DNAJC27: variants seen among roughly 807,000 people sequenced by gnomAD.
DNAJC27 encodes the protein DnaJ heat shock protein family (Hsp40) member C27, also known as dnaJ homolog subfamily C member 27.
A neutral mutation model predicts 31.4 loss-of-function variants in DNAJC27; 25 were observed. The ratio of observed to expected loss-of-function variants is 0.80; its 90% confidence interval spans 0.58 to 1.11. The LOEUF (loss-of-function observed/expected upper bound fraction) is 1.11, where lower values mean the gene tolerates loss of function less well. Among genes scored for constraint, DNAJC27 ranks in the 50% most tolerant of loss-of-function variants. DNAJC27 has a pLI of 0.00. For missense variants in DNAJC27, 356 were observed against 347.3 expected (o/e 1.02, Z -0.20); for synonymous variants, 106 against 112.7 (o/e 0.94, Z 0.37).
rs1665795957 is a variant in DNAJC27, at chr2:24,952,324, AC to A, written c.529-771del. On this transcript the variant is annotated intron_variant, in intron 5 of 6. Transcript: ENST00000264711. ...ATATACACAGATCCATACTCTTTCA[AC>A]ATGTACTAAAGGAGATCAGACTAAA... Among the ~76,000 whole-genome samples the A allele has an allele frequency of 2.0e-5, 3 of 152,322 alleles. No homozygotes were observed. The South Asian group carries it at 6.2e-4, about 32-fold the overall frequency.
chr2:24,971,670 G>A lies in DNAJC27; in HGVS notation c.87+148C>T. 5.1e-6 allele frequency: 3 copies of A among 591,282 alleles called. No individual in the cohort carries two copies. In the South Asian group the frequency reaches 6.7e-5, roughly 13 times the overall value. The allele number at this position is 591,282 out of a possible 1,614,324, so 36.6% of individuals were successfully genotyped here. ...TCAAAAAGGTCGGGGAGTTTCGTTC[G>A]CGGAGCCGCACCCCTCGGCTGAGAC... On this transcript the variant is annotated intron_variant, in intron 1 of 6. Coordinates refer to ENST00000264711, the MANE Select transcript of DNAJC27 (RefSeq NM_016544.3).
rs910463937 is a variant in DNAJC27, at chr2:24,945,724, A to C, written c.*1892T>G. 6.6e-6 allele frequency: 1 copy of C among 152,240 alleles called. No individual in the cohort carries two copies. Among genetic ancestry groups the C allele is most frequent in the Admixed American group, 6.5e-5 (1 of 15,286 alleles). 9.4% of individuals were successfully genotyped at this position (152,240 alleles called of 1,614,324 possible). A position where few individuals can be genotyped will look rare whatever the true frequency, so the allele number is the denominator to read the frequency against. On this transcript the variant is annotated 3_prime_UTR_variant, in exon 7 of 7. Transcript: ENST00000264711. ...TCGCAAGAAATAACATATATCAATC[A>C]GTTCATTTAAAAAGTTGTTTTGATA...
At chr2:24,969,561 T>A (rs1022125760) in intron 1 of DNAJC27, 6 of 154,588 alleles carry the variant, frequency 3.9e-5, no homozygotes, top group African/African-American at 1.2e-4. Flanking sequence ...TACTGCAACC[T>A]CCACCTCCCA....
chr2:24,966,219 G>C (rs1666176813), intron 2 of DNAJC27, among the ~76,000 whole-genome samples: 1 of 152,144 alleles, frequency 6.6e-6, no homozygotes. Flanking sequence ...GAAAGTCTGA[G>C]GGTAGCAGTT....
chr2:24,956,913 T>C lies in DNAJC27; in HGVS notation c.528+130A>G. 6 of 1,101,568 alleles carry C rather than the reference T, an allele frequency of 5.4e-6. No homozygotes were observed. The East Asian group carries it at 7.8e-5, about 14-fold the overall frequency. The allele number at this position is 1,101,568 out of a possible 1,614,324, so 68.2% of individuals were successfully genotyped here. On this transcript the variant is annotated intron_variant, in intron 5 of 6. Transcript: ENST00000264711. ...CCCCCTTTCTCTATTTCTATCTCACTAGATTCTTTGAAAAGAAAGAGCTTA... is the reference window on the plus strand; with the variant it reads ...CCCCCTTTCTCTATTTCTATCTCACCAGATTCTTTGAAAAGAAAGAGCTTA...
chr2:24,956,999 A>T, intron 5 of DNAJC27, 44 bp downstream of exon 5: 1 of 1,575,898 alleles, frequency 6.3e-7, no homozygotes. Context: ...AAATTGGCAC[A>T]GTGGCCTTGA....
intron 3 of DNAJC27, among the ~76,000 whole-genome samples, chr2:24,961,340 A>G (rs1336049433): frequency 6.6e-6 from 1 of 152,180 alleles, no homozygotes. Flanking sequence ...CAATGCACCT[A>G]ATTACCCAAG....
At chr2:24,971,985 G>T, upstream of DNAJC27, 2 of 1,028,070 alleles carry the variant, frequency 1.9e-6, no homozygotes, top group Non-Finnish European at 1.3e-6. Flanking sequence ...CTCGTCCAAT[G>T]GCGGAGCCGC....
rs1966716 is a variant in DNAJC27 at position 24,970,534 on chromosome 2, G to A, written c.87+1284C>T. ...GGCTGGAGTGCAATGGCGTGATCTC[G>A]GCTCACTGCAGCCTCTGCCTCCCCG... On this transcript the variant is annotated intron_variant, in intron 1 of 6. Coordinates refer to ENST00000264711, the MANE Select transcript of DNAJC27 (RefSeq NM_016544.3). Among the ~76,000 whole-genome samples, 549 of 145,778 alleles carry A rather than the reference G, an allele frequency of 3.8e-3. 1 individual carries two copies. Among genetic ancestry groups the A allele is most frequent in the Middle Eastern group, 7.2e-3 (2 of 278 alleles).
intron 3 of DNAJC27, 84 bp downstream of exon 3, chr2:24,963,321 T>C (rs1431345406): frequency 1.8e-6 from 2 of 1,094,590 alleles, no homozygotes; most frequent in East Asian, 4.8e-5. Flanking sequence ...ATGATATCAA[T>C]ATTGGTTGTT....
intron 5 of DNAJC27, among the ~76,000 whole-genome samples, chr2:24,952,670 C>T (rs1254972840): frequency 6.6e-6 from 1 of 151,928 alleles, no homozygotes; most frequent in African/African-American, 2.4e-5. Flanking sequence ...TTGAGTCTGA[C>T]AACCGTTGTT....
intron 3 of DNAJC27, among the ~76,000 whole-genome samples, chr2:24,962,476 G>A (rs973660669): frequency 2.6e-5 from 4 of 152,124 alleles, no homozygotes; most frequent in South Asian, 2.1e-4. Flanking sequence ...GGCTGGTCTC[G>A]AATTCCTGAC....
Position 24,971,848 on chromosome 2 carries a change from G to A in DNAJC27, c.57C>T (p.Val19=), listed in dbSNP as rs1666350179. Residue 19 remains valine, a synonymous_variant, in exon 1 of 7, where the codon GTC becomes GTT. Coordinates refer to ENST00000264711, the MANE Select transcript of DNAJC27 (RefSeq NM_016544.3). Reference sequence around the variant, plus strand: ...CCACTTCGGCGTTGCCCATGGAGATGACTTTGATGCGGAGAGACCTGCCGG... The same window carrying A: ...CCACTTCGGCGTTGCCCATGGAGATAACTTTGATGCGGAGAGACCTGCCGG... ...KEPGRSLRIK[V]ISMGNAEVGK... 2 of 1,609,374 alleles carry A rather than the reference G, an allele frequency of 1.2e-6. No individual in the cohort carries two copies. The highest frequency in any genetic ancestry group is 1.7e-6 in the Non-Finnish European group (2 of 1,178,318).
chr2:24,953,295 A>C (rs551630493), intron 5 of DNAJC27, among the ~76,000 whole-genome samples: 22 of 152,238 alleles, frequency 1.4e-4, no homozygotes, highest in African/African-American at 5.3e-4. Context: ...GTCTAGTATT[A>C]GCTAATCAAC....
chr2:24,965,494 G>T (rs553283492), intron 2 of DNAJC27, among the ~76,000 whole-genome samples: 9 of 152,208 alleles, frequency 5.9e-5, no homozygotes, highest in Admixed American at 5.2e-4. Flanking sequence ...GGCCTCAGGT[G>T]ATCTGCCTGC....
rs2149117930 is a variant in DNAJC27, at chr2:24,944,876, G to T, written c.*2740C>A. On this transcript the variant is annotated 3_prime_UTR_variant, in exon 7 of 7. Coordinates refer to ENST00000264711, the MANE Select transcript of DNAJC27 (RefSeq NM_016544.3). ...CAAGTTTAAAAAGTGTTACTTCTTGGTGACTCAGATGTTGAAGACATGGCT... is the reference window on the plus strand; with the variant it reads ...CAAGTTTAAAAAGTGTTACTTCTTGTTGACTCAGATGTTGAAGACATGGCT... 6.5e-6 allele frequency: 1 copy of T among 152,748 alleles called. No individual in the cohort carries two copies. Among genetic ancestry groups the T allele is most frequent in the East Asian group, 1.9e-4 (1 of 5,194 alleles). The allele number at this position is 152,748 out of a possible 1,614,324, so 9.5% of individuals were successfully genotyped here. A position where few individuals can be genotyped will look rare whatever the true frequency, so the allele number is the denominator to read the frequency against.
intron 6 of DNAJC27, among the ~76,000 whole-genome samples, chr2:24,950,526 C>CT (rs1373861276): frequency 3.9e-5 from 6 of 152,170 alleles, no homozygotes; most frequent in Non-Finnish European, 5.9e-5. Context: ...TTAAATAACT[C>CT]TTTTGACTAA....
chr2:24,957,605 G>GAA (rs35322866), intron 4 of DNAJC27, among the ~76,000 whole-genome samples: 6 of 147,006 alleles, frequency 4.1e-5, no homozygotes, highest in Admixed American at 6.8e-5. Flanking sequence ...TATGGCACCA[G>GAA]AAAAAAAAAA....
chr2:24,948,730 C>T (rs1665702694), intron 6 of DNAJC27, among the ~76,000 whole-genome samples: 3 of 152,176 alleles, frequency 2.0e-5, no homozygotes, highest in Non-Finnish European at 2.9e-5. Flanking sequence ...CTGTCCCTGT[C>T]CCCACTGGTC....
Sources: gnomAD v4.1 joint callset for allele counts (sites outside exome capture counted in the v4.1 genomes callset) on GRCh38, gnomAD v4.1.1 for gene constraint, MANE v1.5 for transcripts, NCBI Gene and HGNC (gene_info 2026-07-23, HGNC 2026-07-21) for gene names.